KLF12: variants seen among roughly 807,000 people sequenced by gnomAD.
KLF12 encodes KLF transcription factor 12.
Under a neutral mutation model 37.8 loss-of-function variants are expected in KLF12, and 9 were observed. The observed-to-expected ratio is 0.24, with a 90% CI of 0.14 to 0.42. KLF12 has a LOEUF of 0.42. Among genes scored for constraint, KLF12 ranks in the 10% least tolerant of loss-of-function variants. The probability of loss-of-function intolerance (pLI) is 1.00; values close to 1 mark genes in which losing one functional copy is unlikely to be tolerated. For synonymous variants in KLF12, 208 were observed against 202.1 expected, an observed-to-expected ratio of 1.03 and a Z score of -0.25; for missense variants, 411 against 516.0, an observed-to-expected ratio of 0.80 and a Z score of 1.97.
the KLF12 span, among the ~76,000 whole-genome samples, chr13:74,166,722 A>G: frequency 6.6e-6 from 1 of 152,148 alleles, no homozygotes; most frequent in African/African-American, 2.4e-5. Context: ...CTATGACTCA[A>G]CCTCTACTTG....
At chr13:74,055,338 A>G (rs1475866840) in intron 1 of KLF12, among the ~76,000 whole-genome samples, 1 of 152,206 alleles carries the variant, frequency 6.6e-6, no homozygotes, top group Non-Finnish European at 1.5e-5. Flanking sequence ...AATTTATTAG[A>G]AGAAAAAAAA....
At chr13:74,179,709 A>C in the KLF12 span, among the ~76,000 whole-genome samples, 38 of 152,328 alleles carry the variant, frequency 2.5e-4, no homozygotes, top group African/African-American at 8.9e-4. Context: ...TCAACACTGC[A>C]GAATAGTGTA....
chr13:73,902,014 G>C (rs1230699963), intron 3 of KLF12, among the ~76,000 whole-genome samples: 3 of 152,152 alleles, frequency 2.0e-5, no homozygotes, highest in African/African-American at 7.2e-5. Flanking sequence ...TACAGTTTGA[G>C]ACTATAGGTA....
At chr13:73,910,958 ACT>A (rs975823651) in intron 3 of KLF12, among the ~76,000 whole-genome samples, 28 of 152,206 alleles carry the variant, frequency 1.8e-4, no homozygotes, top group African/African-American at 6.5e-4. Flanking sequence ...TCACCTGGGA[ACT>A]CTGCAGAAAG....
At chr13:74,158,144 T>A in the KLF12 span, among the ~76,000 whole-genome samples, 1 of 152,342 alleles carries the variant, frequency 6.6e-6, no homozygotes, top group Non-Finnish European at 1.5e-5. Context: ...GGGAGGCATG[T>A]TCAGGGCTTC....
intron 2 of KLF12, among the ~76,000 whole-genome samples, chr13:73,944,585 T>C (rs1220539970): frequency 6.6e-6 from 1 of 152,248 alleles, no homozygotes; most frequent in Non-Finnish European, 1.5e-5. Flanking sequence ...TGAAAATTTC[T>C]ACCTATCAAC....
intron 3 of KLF12, among the ~76,000 whole-genome samples, chr13:73,894,363 T>C (rs1247186541): frequency 2.0e-5 from 3 of 152,212 alleles, no homozygotes; most frequent in Non-Finnish European, 4.4e-5. Flanking sequence ...GTAAGTAAGA[T>C]ACAGAGTGTC....
chr13:73,993,805 A>C (rs1260669350), intron 2 of KLF12, among the ~76,000 whole-genome samples: 4 of 152,238 alleles, frequency 2.6e-5, no homozygotes, highest in Non-Finnish European at 5.9e-5. Context: ...GAAACCATCC[A>C]TAATGGGAAT....
intron 5 of KLF12, among the ~76,000 whole-genome samples, chr13:73,779,404 A>G (rs1880823648): frequency 6.6e-6 from 1 of 152,170 alleles, no homozygotes; most frequent in Admixed American, 6.5e-5. Flanking sequence ...AAACCTCAAT[A>G]AAACTCCCTA....
intron 3 of KLF12, among the ~76,000 whole-genome samples, chr13:73,910,019 T>C (rs937900544): frequency 2.0e-5 from 3 of 152,166 alleles, no homozygotes; most frequent in African/African-American, 7.2e-5. Flanking sequence ...CAGAACAGAA[T>C]TATTAGCCTC....
the KLF12 span, among the ~76,000 whole-genome samples, chr13:74,193,065 G>T: frequency 6.8e-6 from 1 of 147,434 alleles, no homozygotes; most frequent in Non-Finnish European, 1.5e-5. Context: ...TGCAACCTGC[G>T]GTTCCCGGGT....
Position 73,941,807 on chromosome 13 carries a change from G to GT in KLF12, c.123+2173dup, listed in dbSNP as rs1354399386. Reference sequence around the variant, plus strand: ...CTTTGCTACAAAAGAGAATGAAATTGTATCTGTCATATATTTAAGAGGTAC... The same window carrying GT: ...CTTTGCTACAAAAGAGAATGAAATTGTTATCTGTCATATATTTAAGAGGTAC... On this transcript the variant is annotated intron_variant, in intron 3 of 7. Coordinates refer to ENST00000377669, the MANE Select transcript of KLF12 (RefSeq NM_007249.5). Among the ~76,000 whole-genome samples the GT allele has an allele frequency of 1.3e-5, 2 of 151,942 alleles. 1 individual carries two copies. The highest frequency in any genetic ancestry group is 2.9e-5 in the Non-Finnish European group (2 of 67,998).
At chr13:74,133,295 G>A (rs1157521948) in intron 1 of KLF12, among the ~76,000 whole-genome samples, 2 of 151,998 alleles carry the variant, frequency 1.3e-5, no homozygotes, top group Non-Finnish European at 2.9e-5. Context: ...TCGAGGCCGG[G>A]GGGCCAACTA....
chr13:74,128,345 C>G (rs755989828), intron 1 of KLF12, among the ~76,000 whole-genome samples: 1 of 152,060 alleles, frequency 6.6e-6, no homozygotes, highest in Non-Finnish European at 1.5e-5. Context: ...AAAGTTTATC[C>G]CTTTCAGGGG....
intron 3 of KLF12, among the ~76,000 whole-genome samples, chr13:73,873,425 A>G (rs955929359): frequency 2.6e-5 from 4 of 152,194 alleles, no homozygotes; most frequent in Non-Finnish European, 4.4e-5. Context: ...AATCTGGTTC[A>G]TCAATTTTTT....
intron 3 of KLF12, among the ~76,000 whole-genome samples, chr13:73,868,204 C>A (rs946870296): frequency 7.0e-6 from 1 of 143,548 alleles, no homozygotes; most frequent in African/African-American, 2.6e-5. Flanking sequence ...CCTAGCTACT[C>A]GGGAGGCTGA....
At chr13:74,066,053 G>C (rs1162678875) in intron 1 of KLF12, among the ~76,000 whole-genome samples, 1 of 152,064 alleles carries the variant, frequency 6.6e-6, no homozygotes, top group Non-Finnish European at 1.5e-5. Context: ...CAGGAGCAGG[G>C]AGGTGCATAA....
intron 1 of KLF12, among the ~76,000 whole-genome samples, chr13:73,997,546 A>G (rs1278469114): frequency 1.3e-5 from 2 of 152,204 alleles, no homozygotes; most frequent in Admixed American, 1.3e-4. Context: ...AGGGGCCTTT[A>G]GTTTTTCCCC....
At position 73,868,290 on chromosome 13, in the gene KLF12, G is replaced by A. The variant is rs1344301979; in HGVS notation, c.124-21917C>T. Among the ~76,000 whole-genome samples the A allele has an allele frequency of 5.0e-5, 5 of 99,522 alleles. No individual in the cohort carries two copies. The East Asian group carries it at 1.5e-3, about 29-fold the overall frequency. 65.3% of individuals were successfully genotyped at this position (99,522 alleles called of 152,430 possible). On this transcript the variant is annotated intron_variant, in intron 3 of 7. Coordinates refer to ENST00000377669, the MANE Select transcript of KLF12 (RefSeq NM_007249.5). Reference sequence around the variant, plus strand: ...TGGTACTCCAGCCTGGGCAACAAGAGCAAAACTCCATCTCAAAAGAAAAAA... The same window carrying A: ...TGGTACTCCAGCCTGGGCAACAAGAACAAAACTCCATCTCAAAAGAAAAAA...
Sources: allele counts gnomAD v4.1 joint callset (sites outside exome capture counted in the v4.1 genomes callset), GRCh38; gene constraint gnomAD v4.1.1; transcripts MANE v1.5; gene names NCBI Gene and HGNC (gene_info 2026-07-23, HGNC 2026-07-21).